Variants in NALF1 observed in about 807,000 individuals in gnomAD.
The protein encoded by NALF1 is NALCN channel auxiliary factor 1.
In NALF1, 3 loss-of-function variants were observed where a neutral mutation model predicts 48.4. The observed-to-expected ratio is 0.06, with a 90% CI of 0.03 to 0.16. The LOEUF is 0.16. Ranked by LOEUF, NALF1 falls within the 10% of genes least tolerant of loss-of-function variation. NALF1 has a pLI of 1.00. For missense variants in NALF1, 526 were observed against 571.5 expected, an observed-to-expected ratio of 0.92 and a Z score of 0.81; for synonymous variants, 262 against 245.7, an observed-to-expected ratio of 1.07 and a Z score of -0.62.
At chr13:107,786,022 CAGAA>C (rs1157054735) in intron 1 of NALF1, among the ~76,000 whole-genome samples, 1 of 152,046 alleles carries the variant, frequency 6.6e-6, no homozygotes, top group Non-Finnish European at 1.5e-5. Context: ...GGAGAGGGCT[CAGAA>C]AGAAAGTCAC....
chr13:107,789,181 C>T (rs934077398), intron 1 of NALF1: 2 of 152,078 alleles, frequency 1.3e-5, no homozygotes, highest in South Asian at 4.1e-4. Context: ...TGTGTGTATA[C>T]AAGTAAAGGA....
intron 1 of NALF1, among the ~76,000 whole-genome samples, chr13:107,832,774 G>C (rs1212295997): frequency 6.6e-6 from 1 of 152,126 alleles, no homozygotes; most frequent in African/African-American, 2.4e-5. Flanking sequence ...CTAATTACAA[G>C]AATCTCCTAA....
At chr13:107,173,573 G>A (rs2138765453) in intron 2 of NALF1, among the ~76,000 whole-genome samples, 2 of 152,266 alleles carry the variant, frequency 1.3e-5, no homozygotes, top group Middle Eastern at 6.8e-3. Context: ...CATCTGGACT[G>A]GTTGCCGTCA....
At chr13:107,615,607 T>A (rs1347587367) in intron 1 of NALF1, among the ~76,000 whole-genome samples, 1 of 152,214 alleles carries the variant, frequency 6.6e-6, no homozygotes, top group East Asian at 1.9e-4. Context: ...GGCCAGCCAC[T>A]TCCTCTGAAC....
At chr13:107,532,629 C>T (rs767354915) in intron 1 of NALF1, among the ~76,000 whole-genome samples, 4 of 152,044 alleles carry the variant, frequency 2.6e-5, no homozygotes, top group Non-Finnish European at 4.4e-5. Context: ...TTTATATACT[C>T]ATATCTTTTG....
chr13:107,236,446 C>A (rs2138830337), intron 1 of NALF1, among the ~76,000 whole-genome samples: 1 of 152,234 alleles, frequency 6.6e-6, no homozygotes, highest in Admixed American at 6.5e-5. Flanking sequence ...AGCATGGTTT[C>A]TTTCCCTGGC....
intron 1 of NALF1, among the ~76,000 whole-genome samples, chr13:107,526,866 C>T (rs191658295): frequency 2.4e-4 from 36 of 152,212 alleles, no homozygotes; most frequent in African/African-American, 8.2e-4. Context: ...TCCAGAAAAA[C>T]ACTTTCAGAC....
intron 1 of NALF1, among the ~76,000 whole-genome samples, chr13:107,505,858 G>A (rs1051626161): frequency 3.3e-5 from 5 of 152,130 alleles, no homozygotes; most frequent in African/African-American, 9.7e-5. Flanking sequence ...TCCATTGTAT[G>A]TGGAAAAATC....
intron 1 of NALF1, among the ~76,000 whole-genome samples, chr13:107,601,072 G>C (rs1362281974): frequency 6.6e-6 from 1 of 152,120 alleles, no homozygotes; most frequent in Non-Finnish European, 1.5e-5. Context: ...GAAAAATATA[G>C]AGCCCTGAAA....
intron 1 of NALF1, among the ~76,000 whole-genome samples, chr13:107,597,615 T>C (rs1250098847): frequency 1.3e-5 from 2 of 152,112 alleles, no homozygotes; most frequent in Non-Finnish European, 2.9e-5. Context: ...GGCTTCCTTC[T>C]AGCAAAATAA....
At chr13:107,316,129 C>G (rs368238295) in intron 1 of NALF1, among the ~76,000 whole-genome samples, 2 of 151,806 alleles carry the variant, frequency 1.3e-5, no homozygotes, top group African/African-American at 4.8e-5. Flanking sequence ...TTCCCACCAA[C>G]GAGCGAGAAC....
chr13:107,703,214 C>T (rs1881866563), intron 1 of NALF1, among the ~76,000 whole-genome samples: 1 of 152,048 alleles, frequency 6.6e-6, no homozygotes, highest in Non-Finnish European at 1.5e-5. Flanking sequence ...TACTTTATAC[C>T]AATATCTTAG....
intron 1 of NALF1, among the ~76,000 whole-genome samples, chr13:107,386,339 G>T (rs1883530583): frequency 6.6e-6 from 1 of 152,138 alleles, no homozygotes; most frequent in African/African-American, 2.4e-5. Context: ...ATCTTCTTCA[G>T]TTCTAAGAAA....
At chr13:107,536,516 A>G (rs1876822108) in intron 1 of NALF1, among the ~76,000 whole-genome samples, 1 of 152,216 alleles carries the variant, frequency 6.6e-6, no homozygotes, top group African/African-American at 2.4e-5. Context: ...ATGCAAATCA[A>G]AACTACAATG....
intron 1 of NALF1, among the ~76,000 whole-genome samples, chr13:107,798,904 C>T (rs1167082983): frequency 6.6e-6 from 1 of 152,176 alleles, no homozygotes; most frequent in Non-Finnish European, 1.5e-5. Flanking sequence ...ACACATACAT[C>T]GTAGCCTTTT....
intron 1 of NALF1, among the ~76,000 whole-genome samples, chr13:107,685,308 G>A (rs1342175783): frequency 6.6e-5 from 10 of 151,970 alleles, no homozygotes; most frequent in East Asian, 3.9e-4. Context: ...GCGAGACACC[G>A]TCTCAGGAAA....
intron 1 of NALF1, among the ~76,000 whole-genome samples, chr13:107,607,448 T>C (rs184116292): frequency 7.2e-5 from 11 of 152,250 alleles, no homozygotes; most frequent in African/African-American, 1.9e-4. Context: ...ATAAGAGATA[T>C]TTTCAAAACA....
chr13:107,582,530 A>T (rs1270185383), intron 1 of NALF1, among the ~76,000 whole-genome samples: 1 of 152,204 alleles, frequency 6.6e-6, no homozygotes, highest in Non-Finnish European at 1.5e-5. Flanking sequence ...AAAATCAAGC[A>T]CGGTGCAGTG....
At chr13:107,372,790 G>A (rs899581719) in intron 1 of NALF1, among the ~76,000 whole-genome samples, 1 of 152,086 alleles carries the variant, frequency 6.6e-6, no homozygotes, top group Non-Finnish European at 1.5e-5. Context: ...CATCATGAAG[G>A]TTTAGATATC....
Sources: gnomAD v4.1 joint callset for allele counts (sites outside exome capture counted in the v4.1 genomes callset) on GRCh38, gnomAD v4.1.1 for gene constraint, MANE v1.5 for transcripts, NCBI Gene and HGNC (gene_info 2026-07-23, HGNC 2026-07-21) for gene names.